Variants in USH1C observed in about 807,000 individuals in gnomAD.
The protein encoded by USH1C is harmonin.
In USH1C, 90 loss-of-function variants were observed where a neutral mutation model predicts 119.3. The observed-to-expected ratio is 0.75, with a 90% CI of 0.64 to 0.90. USH1C has a LOEUF of 0.90. USH1C is among the 40% of genes least tolerant of loss of function. The probability of loss-of-function intolerance (pLI) is 0.00; values close to 1 mark genes in which losing one functional copy is unlikely to be tolerated. For synonymous variants in USH1C, 465 were observed against 443.3 expected (o/e 1.05, Z -0.62); for missense variants, 1,165 against 1,167.7 (o/e 1.00, Z 0.03).
intron 15 of USH1C, 76 bp from the exon 16 acceptor site, chr11:17,512,130 C>A: frequency 6.7e-7 from 1 of 1,503,018 alleles, no homozygotes; most frequent in African/African-American, 1.4e-5. Flanking sequence ...GGCATCCAGT[C>A]CTCACATAAC....
At chr11:17,533,738 C>G (rs111326338) in intron 1 of USH1C, 2 of 465,576 alleles carry the variant, frequency 4.3e-6, no homozygotes, top group Non-Finnish European at 4.3e-6. Context: ...GCTGTAGTGC[C>G]GGATAAATGC....
chr11:17,523,566 T>C lies in USH1C; in HGVS notation c.760-88A>G, dbSNP rs921718772. On this transcript the variant is annotated intron_variant, in intron 9 of 26. Coordinates refer to ENST00000005226, the MANE Select transcript of USH1C (RefSeq NM_153676.4). Reference sequence around the variant, plus strand: ...GACAGGCTCCCCCAGGGGCTCTGGGTCAGATGCTGGATCTTCAAGTGGCAG... The same window carrying C: ...GACAGGCTCCCCCAGGGGCTCTGGGCCAGATGCTGGATCTTCAAGTGGCAG... The C allele has an allele frequency of 9.1e-6, 12 of 1,313,580 alleles. No individual in the cohort carries two copies. In the African/African-American group the frequency reaches 1.7e-4, roughly 19 times the overall value. 81.4% of individuals were successfully genotyped at this position (1,313,580 alleles called of 1,614,324 possible). A position where few individuals can be genotyped will look rare whatever the true frequency, so the allele number is the denominator to read the frequency against.
chr11:17,509,597 G>A lies in USH1C; in HGVS notation c.1772C>T (p.Ser591Leu), dbSNP rs1849786004. 1 of 1,601,538 alleles carries A rather than the reference G, an allele frequency of 6.2e-7. No homozygotes were observed. Among genetic ancestry groups the A allele is most frequent in the Non-Finnish European group, 8.5e-7 (1 of 1,175,708 alleles). ...AGTGCGCTGCACCCATGGAGAGGAT[G>A]AGGCGCTCACATGGCCAGATAAGGG... is the stretch of plus-strand genomic sequence containing the variant. ...VLPLSGHVSASSSPWVQRTPP... is the reference protein window; with the variant it reads ...VLPLSGHVSALSSPWVQRTPP... The change falls in exon 18 of 27, where the codon TCA becomes TTA. Residue 591 changes from serine to leucine, a missense_variant. Coordinates refer to ENST00000005226, the MANE Select transcript of USH1C (RefSeq NM_153676.4).
Position 17,544,086 on chromosome 11 carries a change from C to A in USH1C, c.36+186G>T, listed in dbSNP as rs544311699. 3.4e-4 allele frequency among the ~76,000 whole-genome samples: 52 copies of A among 152,380 alleles called. 1 individual carries two copies. In the East Asian group the frequency reaches 0.01, roughly 29 times the overall value. ...TAGCAGTCCTTGAGCCGGGAGTCCC[C>A]GCATTCCCTCCCTCACTTTACTGGG... On this transcript the variant is annotated intron_variant, in intron 1 of 26. Transcript: ENST00000005226.
intron 18 of USH1C, 82 bp from the exon 19 acceptor site, chr11:17,506,031 A>G: frequency 1.2e-6 from 2 of 1,600,250 alleles, no homozygotes; most frequent in Non-Finnish European, 1.7e-6. Context: ...ACACACATGC[A>G]AATCTACACC....
chr11:17,526,283 G>C, intron 8 of USH1C, 64 bp downstream of exon 8: 1 of 1,371,036 alleles, frequency 7.3e-7, no homozygotes, highest in Admixed American at 1.7e-5. Context: ...AGGAAGGGGA[G>C]GGCAATAGGG....
At chr11:17,530,445 G>A (rs1850911476) in intron 4 of USH1C, among the ~76,000 whole-genome samples, 1 of 152,200 alleles carries the variant, frequency 6.6e-6, no homozygotes, top group Non-Finnish European at 1.5e-5. Context: ...TATTAATTCT[G>A]TAAAATGGGC....
Position 17,498,235 on chromosome 11 carries a change from T to C in USH1C, c.2417A>G (p.Asn806Ser). 4 of 1,614,180 alleles carry C rather than the reference T, an allele frequency of 2.5e-6. No individual in the cohort carries two copies. In the South Asian group the frequency reaches 3.3e-5, roughly 13 times the overall value. Reference sequence around the variant, plus strand: ...GGTGTAGTCTGTCACAATCTTGCCGTTGATTGCCATGATCTCGTCCCCTTT... The same window carrying C: ...GGTGTAGTCTGTCACAATCTTGCCGCTGATTGCCATGATCTCGTCCCCTTT... ...IVKGDEIMAI[N>S]GKIVTDYTLA... Residue 806 changes from asparagine to serine, a missense_variant, in exon 24 of 27, where the codon AAC (asparagine) becomes AGC (serine). Asn to Ser is a conservative substitution (Grantham distance 46). Coordinates refer to ENST00000005226, the MANE Select transcript of USH1C (RefSeq NM_153676.4).
At chr11:17,505,736 C>T (rs1023456692) in intron 19 of USH1C, 94 bp downstream of exon 19, 53 of 1,576,358 alleles carry the variant, frequency 3.4e-5, no homozygotes, top group Non-Finnish European at 4.2e-5. Flanking sequence ...ATTTTTGTCC[C>T]ACCTCACTTG....
At chr11:17,538,580 G>A (rs972676) in intron 1 of USH1C, among the ~76,000 whole-genome samples, 77,521 of 151,986 alleles carry the variant, frequency 0.51, 20,387 homozygotes, top group African/African-American at 0.64. Flanking sequence ...GAGTGAGTAT[G>A]TGTAAAGCAC....
At chr11:17,523,042 C>T in intron 11 of USH1C, 116 bp from the exon 12 acceptor site, 1 of 1,579,928 alleles carries the variant, frequency 6.3e-7, no homozygotes, top group East Asian at 2.2e-5. Flanking sequence ...CACTGCGGCT[C>T]CCGCAATCCC....
rs920565524 is a variant in USH1C at position 17,522,768 on chromosome 11, G to A, written c.1019+16C>T. On this transcript the variant is annotated intron_variant, in intron 12 of 26. Coordinates refer to ENST00000005226, the MANE Select transcript of USH1C (RefSeq NM_153676.4). ...GTGGGAGGCGGGACAGGGCATCCAG[G>A]GCTGGCTGCACTCACTGCCGCTCCA... 8.1e-6 allele frequency: 13 copies of A among 1,613,682 alleles called. No homozygotes were observed. The highest frequency in any genetic ancestry group is 3.3e-5 in the South Asian group (3 of 91,080).
chr11:17,524,445 A>G lies in USH1C; in HGVS notation c.759+6T>C. On this transcript the variant is annotated splice_donor_region_variant and intron_variant, in intron 9 of 26. Transcript: ENST00000005226. The stretch of plus-strand genomic sequence containing the variant: ...CCCCCACTGGGGCCGGCCCAGCGTC[A>G]CTCACCTCCAATCCCACCTCAGCAG... The G allele has an allele frequency of 6.4e-7, 1 of 1,568,480 alleles. No homozygotes were observed. The highest frequency in any genetic ancestry group is 8.7e-7 in the Non-Finnish European group (1 of 1,155,422).
chr11:17,526,368 C>A lies in USH1C; in HGVS notation c.653G>T (p.Gly218Val). Reference protein sequence around the residue: ...KEKKVFISLVGSRGLGCSISS... With the variant: ...KEKKVFISLVVSRGLGCSISS... ...CCACCTGCAGCCAAGGCCTCGGGAG[C>A]CTACCAGGCTGATGAAGACCTTCTT... Residue 218 changes from glycine to valine, a missense_variant, in exon 8 of 27, where the codon GGC becomes GTC. Coordinates refer to ENST00000005226, the MANE Select transcript of USH1C (RefSeq NM_153676.4). 4 of 1,614,058 alleles carry A rather than the reference C, an allele frequency of 2.5e-6. No individual in the cohort carries two copies. Among genetic ancestry groups the A allele is most frequent in the Non-Finnish European group, 3.4e-6 (4 of 1,180,008 alleles).
At chr11:17,511,769 A>T in intron 16 of USH1C, 133 bp downstream of exon 16, 1 of 1,044,094 alleles carries the variant, frequency 9.6e-7, no homozygotes, top group Non-Finnish European at 1.4e-6. Flanking sequence ...CAGGCTGGGG[A>T]GCAGGAAAGG....
intron 18 of USH1C, 58 bp from the exon 19 acceptor site, chr11:17,506,007 G>T: frequency 6.2e-7 from 1 of 1,611,694 alleles, no homozygotes; most frequent in Non-Finnish European, 8.5e-7. Flanking sequence ...GCCAAGGCCA[G>T]CCATGCTACT....
chr11:17,515,630 G>A (rs1226412499), intron 15 of USH1C, among the ~76,000 whole-genome samples: 1 of 152,204 alleles, frequency 6.6e-6, no homozygotes, highest in Non-Finnish European at 1.5e-5. Flanking sequence ...AAATGTCAAT[G>A]TGATTTAGAA....
At chr11:17,501,421 A>T in intron 22 of USH1C, 61 bp downstream of exon 22, 1 of 1,572,690 alleles carries the variant, frequency 6.4e-7, no homozygotes, top group Non-Finnish European at 8.7e-7. Flanking sequence ...CAGGAGACCA[A>T]GGGAGGAGGG....
intron 24 of USH1C, among the ~76,000 whole-genome samples, chr11:17,497,301 C>T (rs1849281825): frequency 6.6e-6 from 1 of 152,192 alleles, no homozygotes; most frequent in African/African-American, 2.4e-5. Context: ...CCCTCATTCT[C>T]CCTCCTTGGC....
Sources: allele counts gnomAD v4.1 joint callset (sites outside exome capture counted in the v4.1 genomes callset), GRCh38; gene constraint gnomAD v4.1.1; transcripts MANE v1.5; gene names NCBI Gene and HGNC (gene_info 2026-07-23, HGNC 2026-07-21).